Variants in UTP11 observed in about 807,000 individuals in gnomAD.
UTP11 encodes UTP11 small subunit processome component.
Under a neutral mutation model 39.0 loss-of-function variants are expected in UTP11, and 29 were observed. That is an observed-to-expected ratio of 0.74 (90% CI 0.55 to 1.01). The LOEUF is 1.01. Ranked by LOEUF, UTP11 falls within the 50% of genes least tolerant of loss-of-function variation. UTP11 has a pLI of 0.00. For synonymous variants in UTP11, 111 were observed against 105.0 expected, an observed-to-expected ratio of 1.06 and a Z score of -0.35; for missense variants, 281 against 306.0, an observed-to-expected ratio of 0.92 and a Z score of 0.61.
In UTP11 at chr1:38,012,772, C is replaced by G. The variant is rs372403373; in HGVS notation, c.-31C>G. 1.2e-6 allele frequency: 2 copies of G among 1,613,938 alleles called. No individual in the cohort carries two copies. The highest frequency in any genetic ancestry group is 1.3e-5 in the African/African-American group (1 of 74,948). On this transcript the variant is annotated 5_prime_UTR_variant, in exon 1 of 8. Transcript: ENST00000373014. ...GCAGAGGCAGTGCGGATCCGGCGTTCTCCACTGATCTTTTCCAAGGCTGTA... is the reference window on the plus strand; with the variant it reads ...GCAGAGGCAGTGCGGATCCGGCGTTGTCCACTGATCTTTTCCAAGGCTGTA...
At chr1:38,022,097 T>C (rs982480332) in intron 6 of UTP11, among the ~76,000 whole-genome samples, 1 of 152,162 alleles carries the variant, frequency 6.6e-6, no homozygotes, top group African/African-American at 2.4e-5. Context: ...GACCCTTCTG[T>C]TGCCGACTCT....
Position 38,022,571 on chromosome 1 carries a change from A to G in UTP11, c.568-128A>G, listed in dbSNP as rs113493575. 151 of 652,796 alleles carry G rather than the reference A, an allele frequency of 2.3e-4. No individual in the cohort carries two copies. The African/African-American group carries it at 2.4e-3, about 10-fold the overall frequency. 40.4% of individuals were successfully genotyped at this position (652,796 alleles called of 1,614,324 possible). ...TGGGCAACGTTATTGTTACCACGTT[A>G]TGTTGATTCTGGTGAAAGAAGGGAG... On this transcript the variant is annotated intron_variant, in intron 6 of 7. Coordinates refer to ENST00000373014, the MANE Select transcript of UTP11 (RefSeq NM_016037.4).
intron 1 of UTP11, 114 bp downstream of exon 1, chr1:38,012,979 G>A: frequency 8.0e-7 from 1 of 1,242,934 alleles, no homozygotes; most frequent in Non-Finnish European, 1.1e-6. Context: ...ATAAATGCAC[G>A]TAAATGTATG....
At position 38,023,747 on chromosome 1, in the gene UTP11, CA is replaced by C; in HGVS notation, c.*120del. 1.3e-6 allele frequency: 1 copy of C among 744,636 alleles called. No individual in the cohort carries two copies. Among genetic ancestry groups the C allele is most frequent in the Non-Finnish European group, 2.1e-6 (1 of 478,586 alleles). The allele number at this position is 744,636 out of a possible 1,614,324, so 46.1% of individuals were successfully genotyped here. On this transcript the variant is annotated 3_prime_UTR_variant, in exon 8 of 8. Transcript: ENST00000373014. The stretch of plus-strand genomic sequence containing the variant: ...CGGTTTGTAACCATAACTAAATTGT[CA>C]GTCTGACATTTAATGTCTTTCTATG...
At chr1:38,016,543 T>C in intron 2 of UTP11, 123 bp downstream of exon 2, 1 of 941,592 alleles carries the variant, frequency 1.1e-6, no homozygotes, top group South Asian at 1.4e-5. Context: ...TGGCCAAAGC[T>C]CTGGCAGCCT....
intron 6 of UTP11, 88 bp from the exon 7 acceptor site, chr1:38,022,611 C>A: frequency 2.5e-6 from 2 of 814,486 alleles, no homozygotes; most frequent in Non-Finnish European, 4.1e-6. Flanking sequence ...TGAAACTATG[C>A]AGTTGGCTTA....
chr1:38,016,311 T>C lies in UTP11; in HGVS notation c.64-48T>C, dbSNP rs552766831. ...TAGATGTCGTGTTGATTTGGATATG[T>C]GTTTGCGGAGGAAACTAAGCACTGT... On this transcript the variant is annotated intron_variant, in intron 1 of 7. Coordinates refer to ENST00000373014, the MANE Select transcript of UTP11 (RefSeq NM_016037.4). The C allele has an allele frequency of 5.0e-6, 8 of 1,586,614 alleles. No homozygotes were observed. The African/African-American group carries it at 6.7e-5, about 13-fold the overall frequency.
intron 6 of UTP11, among the ~76,000 whole-genome samples, chr1:38,021,469 C>A (rs760788892): frequency 6.6e-6 from 1 of 152,280 alleles, no homozygotes; most frequent in East Asian, 1.9e-4. Flanking sequence ...TCTGTAACTT[C>A]GAGTGGGTAG....
In UTP11 at chr1:38,016,343, T is replaced by A; in HGVS notation, c.64-16T>A. On this transcript the variant is annotated splice_polypyrimidine_tract_variant and intron_variant, in intron 1 of 7. Coordinates refer to ENST00000373014, the MANE Select transcript of UTP11 (RefSeq NM_016037.4). ...GGAGGAAACTAAGCACTGTTGTTCT[T>A]TCTTTTGTCTTCTAGCCTGGCTTTC... 1 of 1,614,082 alleles carries A rather than the reference T, an allele frequency of 6.2e-7. No homozygotes were observed. The highest frequency in any genetic ancestry group is 8.5e-7 in the Non-Finnish European group (1 of 1,179,924).
At chr1:38,015,032 T>C (rs1646700632) in intron 1 of UTP11, among the ~76,000 whole-genome samples, 1 of 152,178 alleles carries the variant, frequency 6.6e-6, no homozygotes, top group Admixed American at 6.5e-5. Flanking sequence ...TTTTTTTGTT[T>C]GTTTTTTTGA....
In UTP11 at chr1:38,024,618, A is replaced by G. The variant is rs1646755290; in HGVS notation, c.*990A>G. 6.6e-6 allele frequency: 1 copy of G among 150,420 alleles called. No individual in the cohort carries two copies. Among genetic ancestry groups the G allele is most frequent in the Admixed American group, 6.6e-5 (1 of 15,136 alleles). 9.3% of individuals were successfully genotyped at this position (150,420 alleles called of 1,614,324 possible). A position where few individuals can be genotyped will look rare whatever the true frequency, so the allele number is the denominator to read the frequency against. Reference sequence around the variant, plus strand: ...GAGACGGGGTTTCACCTTGTTAGCCAGGATGGTCTCGATCTCCTGACCTCA... The same window carrying G: ...GAGACGGGGTTTCACCTTGTTAGCCGGGATGGTCTCGATCTCCTGACCTCA... On this transcript the variant is annotated 3_prime_UTR_variant, in exon 8 of 8. Coordinates refer to ENST00000373014, the MANE Select transcript of UTP11 (RefSeq NM_016037.4).
rs757153596 is a variant in UTP11 at position 38,023,580 on chromosome 1, G to A, written c.714G>A (p.Thr238=). The change falls in exon 8 of 8, where the codon ACG becomes ACA. Residue 238 remains threonine (T), a synonymous_variant. Coordinates refer to ENST00000373014, the MANE Select transcript of UTP11 (RefSeq NM_016037.4). ...AGAAAGTGAAGGTGAAGAAAGAAACGGTGAACTCCCCAGCTATTTATAAAT... is the reference window on the plus strand; with the variant it reads ...AGAAAGTGAAGGTGAAGAAAGAAACAGTGAACTCCCCAGCTATTTATAAAT... The part of the protein sequence containing the change: ...KTQKVKVKKE[T]VNSPAIYKFQ... 2.5e-5 allele frequency: 40 copies of A among 1,611,116 alleles called. No homozygotes were observed. The highest frequency in any genetic ancestry group is 5.3e-5 in the African/African-American group (4 of 74,794).
intron 1 of UTP11, among the ~76,000 whole-genome samples, chr1:38,014,776 C>A (rs181287783): frequency 7.9e-4 from 120 of 152,236 alleles, no homozygotes; most frequent in Non-Finnish European, 1.3e-3. Flanking sequence ...GCTGGGACCA[C>A]AGGCGTGTAC....
intron 3 of UTP11, among the ~76,000 whole-genome samples, 168 bp downstream of exon 3, chr1:38,017,938 G>C (rs528328395): frequency 2.0e-5 from 3 of 152,278 alleles, no homozygotes; most frequent in African/African-American, 7.2e-5. Flanking sequence ...AGAGGAGCGT[G>C]CATTTTTACC....
At chr1:38,022,293 ACTT>A (rs1360647018) in intron 6 of UTP11, among the ~76,000 whole-genome samples, 1 of 152,134 alleles carries the variant, frequency 6.6e-6, no homozygotes, top group Non-Finnish European at 1.5e-5. Context: ...TCCTTGGACC[ACTT>A]CTTCTCTGGG....
At chr1:38,019,186 A>G (rs760516954) in intron 5 of UTP11, 34 bp downstream of exon 5, 11 of 1,613,606 alleles carry the variant, frequency 6.8e-6, no homozygotes, top group Non-Finnish European at 9.3e-6. Context: ...GGGACAGTCT[A>G]CCATGCCAGT....
intron 1 of UTP11, among the ~76,000 whole-genome samples, chr1:38,015,573 G>A (rs1418619286): frequency 6.6e-6 from 1 of 152,168 alleles, no homozygotes; most frequent in East Asian, 1.9e-4. Context: ...AAATGAAATT[G>A]TGTAAGGAGC....
At position 38,020,050 on chromosome 1, in the gene UTP11, C is replaced by G. The variant is rs369727346; in HGVS notation, c.567+667C>G. On this transcript the variant is annotated intron_variant, in intron 6 of 7. Transcript: ENST00000373014. ...GGATTGCTGAAGATTAAAGGATTTGCAATACTTTAATATTGAACCTTTAGC... is the reference window on the plus strand; with the variant it reads ...GGATTGCTGAAGATTAAAGGATTTGGAATACTTTAATATTGAACCTTTAGC... 9.0e-4 allele frequency among the ~76,000 whole-genome samples: 137 copies of G among 152,220 alleles called. 1 individual carries two copies. Among genetic ancestry groups the G allele is most frequent in the African/African-American group, 2.6e-3 (107 of 41,532 alleles).
At position 38,018,560 on chromosome 1, in the gene UTP11, AGGGTTG is replaced by A; in HGVS notation, c.326_331del (p.Arg109_Ala111delinsThr). The A allele has an allele frequency of 3.7e-6, 6 of 1,610,016 alleles. No individual in the cohort carries two copies. The highest frequency in any genetic ancestry group is 1.3e-5 in the African/African-American group (1 of 74,848). ...GGACGTCAAATATATAGAAATGAAG[AGGGTTG>A]CAGAAGCTAAGGTAATTCACTCTTT... On this transcript the variant is annotated inframe_deletion, in exon 4 of 8. Transcript: ENST00000373014.
Sources: gnomAD v4.1 joint callset for allele counts (sites outside exome capture counted in the v4.1 genomes callset) on GRCh38, gnomAD v4.1.1 for gene constraint, MANE v1.5 for transcripts, NCBI Gene and HGNC (gene_info 2026-07-23, HGNC 2026-07-21) for gene names.